The following SMOC2 variants were observed in gnomAD, a reference collection of about 807,000 sequenced individuals.
SMOC2 encodes SPARC-related modular calcium-binding protein 2.
A neutral mutation model predicts 61.4 loss-of-function variants in SMOC2; 39 were observed. The ratio of observed to expected loss-of-function variants is 0.64; its 90% confidence interval spans 0.49 to 0.83. SMOC2 has a LOEUF of 0.83. Ranked by LOEUF, SMOC2 falls within the 40% of genes least tolerant of loss-of-function variation. SMOC2 has a pLI of 0.00. For synonymous variants in SMOC2, 247 were observed against 239.9 expected (o/e 1.03, Z -0.27); for missense variants, 556 against 592.9 (o/e 0.94, Z 0.65).
At chr6:168,530,661 C>G (rs1348855248) in intron 4 of SMOC2, among the ~76,000 whole-genome samples, 1 of 149,372 alleles carries the variant, frequency 6.7e-6, no homozygotes, top group Non-Finnish European at 1.5e-5. Context: ...GCCCCCACAC[C>G]CACTGCTCTG....
chr6:168,555,470 G>T (rs1263622398), intron 7 of SMOC2, among the ~76,000 whole-genome samples: 2 of 152,072 alleles, frequency 1.3e-5, no homozygotes, highest in Admixed American at 6.6e-5. Flanking sequence ...CCTTCCCGTC[G>T]CCTACACAGA....
intron 7 of SMOC2, among the ~76,000 whole-genome samples, chr6:168,597,721 A>G (rs1376316180): frequency 6.6e-6 from 1 of 152,234 alleles, no homozygotes; most frequent in Non-Finnish European, 1.5e-5. Context: ...TCCCAGCCCA[A>G]GCTTCCTTCA....
chr6:168,604,000 G>T (rs957004331), intron 8 of SMOC2, among the ~76,000 whole-genome samples: 1 of 152,242 alleles, frequency 6.6e-6, no homozygotes, highest in African/African-American at 2.4e-5. Context: ...GAGATGGCAT[G>T]ATCTCCCTAA....
At chr6:168,606,005 G>A (rs1467796482) in intron 8 of SMOC2, among the ~76,000 whole-genome samples, 2 of 152,040 alleles carry the variant, frequency 1.3e-5, no homozygotes, top group Admixed American at 6.6e-5. Flanking sequence ...GTCTCAATTC[G>A]GCCCCTGAGA....
At chr6:168,486,203 A>G (rs1336730740) in intron 1 of SMOC2, among the ~76,000 whole-genome samples, 1 of 152,324 alleles carries the variant, frequency 6.6e-6, no homozygotes, top group East Asian at 1.9e-4. Context: ...AGTTGCATAG[A>G]TATATAATAT....
At chr6:168,546,884 G>A (rs148414808) in intron 5 of SMOC2, among the ~76,000 whole-genome samples, 12 of 152,250 alleles carry the variant, frequency 7.9e-5, no homozygotes, top group Admixed American at 2.6e-4. Flanking sequence ...TATTTTCCAC[G>A]TGAAGTTAGG....
Position 168,553,751 on chromosome 6 carries a change from T to C in SMOC2, c.637+4548T>C, listed in dbSNP as rs1432863918. ...GGAGGCATCCAGGCTCACGGGACGG[T>C]TTCTGTATCACGGTTGCCATTTGCC... is the stretch of plus-strand genomic sequence containing the variant. On this transcript the variant is annotated intron_variant, in intron 7 of 12. Transcript: ENST00000356284. The surrounding 1 kb of genome is among the most constrained non-coding windows in gnomAD (Gnocchi z 4.2). 1.3e-5 allele frequency among the ~76,000 whole-genome samples: 2 copies of C among 152,138 alleles called. No individual in the cohort carries two copies. The highest frequency in any genetic ancestry group is 4.8e-5 in the African/African-American group (2 of 41,416).
chr6:168,578,691 T>C (rs370752040), intron 7 of SMOC2, among the ~76,000 whole-genome samples: 1 of 152,228 alleles, frequency 6.6e-6, no homozygotes, highest in East Asian at 1.9e-4. Flanking sequence ...GATTATATTA[T>C]GCCAAATGGC....
intron 1 of SMOC2, among the ~76,000 whole-genome samples, chr6:168,448,452 G>A (rs938855064): frequency 6.8e-6 from 1 of 146,910 alleles, no homozygotes; most frequent in Non-Finnish European, 1.5e-5. Flanking sequence ...ATGAGGATGG[G>A]GAGGAGGACG....
At chr6:168,444,460 C>G (rs1403558277) in intron 1 of SMOC2, among the ~76,000 whole-genome samples, 1 of 152,180 alleles carries the variant, frequency 6.6e-6, no homozygotes, top group Non-Finnish European at 1.5e-5. Context: ...TCTCTTCTTT[C>G]CACCAAAGTC....
intron 4 of SMOC2, among the ~76,000 whole-genome samples, chr6:168,541,353 G>A (rs1385684215): frequency 3.9e-5 from 6 of 152,188 alleles, no homozygotes; most frequent in Non-Finnish European, 4.4e-5. Context: ...TTCACTGTCT[G>A]CAGACACTGT....
intron 2 of SMOC2, among the ~76,000 whole-genome samples, chr6:168,521,708 C>T (rs1330525472): frequency 6.6e-6 from 1 of 152,162 alleles, no homozygotes; most frequent in African/African-American, 2.4e-5. Flanking sequence ...CAAATCAATA[C>T]CCCATCTCTA....
At chr6:168,612,808 G>A (rs1324238492) in intron 9 of SMOC2, among the ~76,000 whole-genome samples, 1 of 152,214 alleles carries the variant, frequency 6.6e-6, no homozygotes, top group East Asian at 1.9e-4. Context: ...GAAAGACAGA[G>A]GTGCAGGGAG....
chr6:168,497,665 C>T (rs987431752), intron 1 of SMOC2, among the ~76,000 whole-genome samples: 5 of 152,108 alleles, frequency 3.3e-5, no homozygotes, highest in African/African-American at 9.7e-5. Flanking sequence ...GTTAGGAGCC[C>T]GTGGTCTTGT....
rs191987783 is a variant in SMOC2, at chr6:168,489,259, C to T, written c.85-20656C>T. On this transcript the variant is annotated intron_variant, in intron 1 of 12. Transcript: ENST00000356284. ...ATCACAGTTTTAGAGTGAAATATAT[C>T]GAATCATCTGGGTCCCCTTGGATCA... 1.0e-4 allele frequency among the ~76,000 whole-genome samples: 14 copies of T among 136,706 alleles called. 1 individual carries two copies. Among genetic ancestry groups the T allele is most frequent in the Admixed American group, 7.7e-4 (10 of 13,036 alleles). The allele number at this position is 136,706 out of a possible 152,430, so 89.7% of individuals were successfully genotyped here.
At chr6:168,625,172 A>C (rs1018346409) in intron 9 of SMOC2, among the ~76,000 whole-genome samples, 8 of 152,210 alleles carry the variant, frequency 5.3e-5, no homozygotes, top group African/African-American at 1.9e-4. Flanking sequence ...GTAGAAAAGC[A>C]CTAGGGCATG....
intron 8 of SMOC2, among the ~76,000 whole-genome samples, chr6:168,599,372 CCACA>C (rs1297004581): frequency 3.3e-4 from 44 of 135,092 alleles, no homozygotes; most frequent in African/African-American, 1.2e-3. Flanking sequence ...CACAATCATA[CCACA>C]CACACCCACA....
Position 168,666,565 on chromosome 6 carries a change from T to A in SMOC2, c.*127T>A. The A allele has an allele frequency of 9.5e-7, 1 of 1,056,916 alleles. No individual in the cohort carries two copies. Among genetic ancestry groups the A allele is most frequent in the Non-Finnish European group, 1.4e-6 (1 of 695,996 alleles). The allele number at this position is 1,056,916 out of a possible 1,614,324, so 65.5% of individuals were successfully genotyped here. On this transcript the variant is annotated 3_prime_UTR_variant, in exon 13 of 13. Transcript: ENST00000356284. Reference sequence around the variant, plus strand: ...GTACTTTAAATGTAAATTCACTTTGTAGAAATGAGCTATTTAAACAGACTG... The same window carrying A: ...GTACTTTAAATGTAAATTCACTTTGAAGAAATGAGCTATTTAAACAGACTG...
intron 7 of SMOC2, among the ~76,000 whole-genome samples, chr6:168,570,621 G>A (rs1402693293): frequency 6.6e-6 from 1 of 152,170 alleles, no homozygotes; most frequent in Non-Finnish European, 1.5e-5. Flanking sequence ...AAAGTTGGAA[G>A]CATCTACAAT....
Sources: allele counts gnomAD v4.1 joint callset (sites outside exome capture counted in the v4.1 genomes callset), GRCh38; gene constraint gnomAD v4.1.1; non-coding constraint Gnocchi (gnomAD v3.1); transcripts MANE v1.5; gene names NCBI Gene and HGNC (gene_info 2026-07-23, HGNC 2026-07-21).